CPVL: variants seen among roughly 807,000 people sequenced by gnomAD.
The protein encoded by CPVL is probable serine carboxypeptidase CPVL.
In CPVL, 51 loss-of-function variants were observed where a neutral mutation model predicts 63.7. The ratio of observed to expected loss-of-function variants is 0.80; its 90% CI spans 0.64 to 1.01. CPVL has a LOEUF of 1.01. Ranked by LOEUF, CPVL falls within the 50% of genes least tolerant of loss-of-function variation. The pLI is 0.00. For missense variants in CPVL, 530 were observed against 573.1 expected, an observed-to-expected ratio of 0.92 and a Z score of 0.77; for synonymous variants, 195 against 206.0, an observed-to-expected ratio of 0.95 and a Z score of 0.46.
intron 11 of CPVL, among the ~76,000 whole-genome samples, chr7:29,053,198 T>C (rs1337465894): frequency 6.6e-6 from 1 of 152,098 alleles, no homozygotes; most frequent in Non-Finnish European, 1.5e-5. Context: ...TTCAAAATGT[T>C]AAATATAGAG....
At chr7:29,062,515 A>G (rs1782724138) in intron 11 of CPVL, among the ~76,000 whole-genome samples, 1 of 152,200 alleles carries the variant, frequency 6.6e-6, no homozygotes, top group Non-Finnish European at 1.5e-5. Context: ...TAGACTTGGC[A>G]TATAATTGGT....
At chr7:29,178,261 A>G (rs778370409) in intron 5 of CPVL, among the ~76,000 whole-genome samples, 15 of 152,154 alleles carry the variant, frequency 9.9e-5, no homozygotes, top group Non-Finnish European at 1.8e-4. Flanking sequence ...AGAACATGTT[A>G]TCCCCTTCCT....
At chr7:29,055,649 G>A (rs1790658253) in intron 11 of CPVL, among the ~76,000 whole-genome samples, 1 of 152,182 alleles carries the variant, frequency 6.6e-6, no homozygotes. Context: ...CCTGGTGCTG[G>A]GCTCTCAGGT....
At chr7:29,037,618 A>C (rs1450711602) in intron 11 of CPVL, among the ~76,000 whole-genome samples, 2 of 152,068 alleles carry the variant, frequency 1.3e-5, no homozygotes, top group Non-Finnish European at 2.9e-5. Context: ...TTTATGAAAC[A>C]TGATGCATGT....
chr7:29,060,093 T>G lies in CPVL; in HGVS notation c.1137+3968A>C, dbSNP rs186802005. Among the ~76,000 whole-genome samples, 241 of 152,342 alleles carry G rather than the reference T, an allele frequency of 1.6e-3. 2 individuals are homozygous for G. Among genetic ancestry groups the G allele is most frequent in the African/African-American group, 5.3e-3 (222 of 41,580 alleles). ...TTATTTTTGTGTTTTCCAGGGTTTC[T>G]TGTATAACTTTTGAATGTAGCAAGA... On this transcript the variant is annotated intron_variant, in intron 11 of 12. Transcript: ENST00000265394.
intron 11 of CPVL, among the ~76,000 whole-genome samples, chr7:29,060,447 T>A (rs1410440563): frequency 6.6e-6 from 1 of 152,204 alleles, no homozygotes; most frequent in African/African-American, 2.4e-5. Context: ...GTCCTGATCA[T>A]GTTTTGACTT....
chr7:29,136,686 A>C (rs150692170), intron 1 of CPVL, among the ~76,000 whole-genome samples: 2 of 152,178 alleles, frequency 1.3e-5, no homozygotes, highest in African/African-American at 4.8e-5. Flanking sequence ...AGAAGACTAA[A>C]ATTTTTTATC....
At chr7:29,102,521 T>C (rs1787258421) in intron 3 of CPVL, among the ~76,000 whole-genome samples, 1 of 152,138 alleles carries the variant, frequency 6.6e-6, no homozygotes, top group Non-Finnish European at 1.5e-5. Context: ...ACTAATGACT[T>C]AAAGGTCAAA....
intron 12 of CPVL, among the ~76,000 whole-genome samples, chr7:29,006,540 T>C (rs1785214452): frequency 1.3e-5 from 2 of 152,164 alleles, no homozygotes; most frequent in South Asian, 4.1e-4. Flanking sequence ...AAGACCATGC[T>C]ACAACATCTA....
At chr7:29,018,481 C>T (rs1452050625) in intron 12 of CPVL, among the ~76,000 whole-genome samples, 7 of 149,212 alleles carry the variant, frequency 4.7e-5, no homozygotes, top group African/African-American at 1.7e-4. Context: ...CAAGTTCAAG[C>T]GATTCTCATG....
upstream of CPVL, among the ~76,000 whole-genome samples, chr7:29,151,232 T>C (rs1481800502): frequency 6.6e-6 from 1 of 152,182 alleles, no homozygotes; most frequent in Non-Finnish European, 1.5e-5. Flanking sequence ...CTTCCACTCT[T>C]AGCATGATTA....
At position 29,160,365 on chromosome 7, in the gene CPVL, CA is replaced by C. The variant is rs1795009881; in HGVS notation, c.-11+20924del. 1.3e-5 allele frequency among the ~76,000 whole-genome samples: 2 copies of C among 152,178 alleles called. 1 individual carries two copies. Among genetic ancestry groups the C allele is most frequent in the South Asian group, 4.1e-4 (2 of 4,822 alleles). The stretch of plus-strand genomic sequence containing the variant: ...TTTTCCTGTTCCTGTATGTGGCTGA[CA>C]ACGTTACTGGCTTATCCATGTCATT... On this transcript the variant is annotated intron_variant, in intron 5 of 16. Coordinates refer to the CPVL transcript ENST00000409850.
At chr7:29,074,795 G>A (rs143387015) in intron 7 of CPVL, among the ~76,000 whole-genome samples, 1 of 149,948 alleles carries the variant, frequency 6.7e-6, no homozygotes, top group East Asian at 2.0e-4. Context: ...CATTATACTA[G>A]ATACTTGAGG....
At position 29,072,260 on chromosome 7, in the gene CPVL, C is replaced by G. The variant is rs377591737; in HGVS notation, c.732+41G>C. ...CCATCTGATAAAAAGGCATTTAATC[C>G]CCCTAAGAGACAAAATAGAAAGTCA... is the stretch of plus-strand genomic sequence containing the variant. On this transcript the variant is annotated intron_variant, in intron 8 of 12. Coordinates refer to ENST00000265394, the MANE Select transcript of CPVL (RefSeq NM_031311.5). 1.9e-5 allele frequency: 30 copies of G among 1,606,236 alleles called. No individual in the cohort carries two copies. The Admixed American group carries it at 5.1e-4, about 27-fold the overall frequency.
chr7:29,091,721 G>A (rs1255398658), intron 6 of CPVL, among the ~76,000 whole-genome samples: 1 of 152,228 alleles, frequency 6.6e-6, no homozygotes, highest in Non-Finnish European at 1.5e-5. Flanking sequence ...TTTTCTGGGT[G>A]GGCAGAGGGA....
At chr7:29,119,914 G>C (rs537424467) in intron 2 of CPVL, among the ~76,000 whole-genome samples, 1 of 152,156 alleles carries the variant, frequency 6.6e-6, no homozygotes, top group Non-Finnish European at 1.5e-5. Flanking sequence ...CCGGGATGTT[G>C]AGATGTTTAA....
At chr7:29,065,239 A>G (rs904665995) in intron 10 of CPVL, among the ~76,000 whole-genome samples, 96 of 152,372 alleles carry the variant, frequency 6.3e-4, no homozygotes, top group Non-Finnish European at 3.8e-4. Flanking sequence ...AAAAAAAGGT[A>G]TCATCACAAA....
chr7:29,107,599 T>C (rs990539442), intron 3 of CPVL, among the ~76,000 whole-genome samples: 3 of 152,202 alleles, frequency 2.0e-5, no homozygotes, highest in Admixed American at 6.5e-5. Flanking sequence ...TTCCAGCCCA[T>C]TGACTGGCTG....
intron 5 of CPVL, among the ~76,000 whole-genome samples, chr7:29,155,788 C>T (rs971664677): frequency 1.3e-5 from 2 of 152,154 alleles, no homozygotes; most frequent in African/African-American, 2.4e-5. Flanking sequence ...TGACAAATCT[C>T]ATCCTTGTGA....
Sources: allele counts gnomAD v4.1 joint callset (sites outside exome capture counted in the v4.1 genomes callset), GRCh38; gene constraint gnomAD v4.1.1; transcripts MANE v1.5; gene names NCBI Gene and HGNC (gene_info 2026-07-23, HGNC 2026-07-21).